The following ADRA1B variants were observed in gnomAD, a reference collection of about 807,000 sequenced individuals.
ADRA1B encodes alpha-1B adrenergic receptor.
Under a neutral mutation model 17.9 loss-of-function variants are expected in ADRA1B, and 17 were observed. The observed-to-expected ratio is 0.95, with a 90% CI of 0.65 to 1.42. The LOEUF (loss-of-function observed/expected upper bound fraction) is 1.42. Ranked by LOEUF, ADRA1B falls within the 40% of genes most tolerant of loss-of-function variation. The pLI is 0.00. For synonymous variants in ADRA1B, 366 were observed against 327.6 expected (o/e 1.12, Z -1.27); for missense variants, 681 against 722.1 (o/e 0.94, Z 0.65).
intron 1 of ADRA1B, among the ~76,000 whole-genome samples, chr5:159,906,643 C>A (rs764544124): frequency 6.6e-6 from 1 of 152,188 alleles, no homozygotes; most frequent in Non-Finnish European, 1.5e-5. Context: ...TTTGCCTACT[C>A]AACACTCTAC....
At chr5:159,979,919 G>A in the ADRA1B span, among the ~76,000 whole-genome samples, 1 of 151,742 alleles carries the variant, frequency 6.6e-6, no homozygotes, top group East Asian at 1.9e-4. Flanking sequence ...GAGAGCAGAG[G>A]AGACAAAGCA....
intron 1 of ADRA1B, chr5:159,868,151 C>T (rs1753686305): frequency 6.6e-6 from 1 of 152,100 alleles, no homozygotes; most frequent in Non-Finnish European, 1.5e-5. Context: ...AGGGTCATTG[C>T]AAAGAATAAA....
At chr5:159,953,047 T>C (rs1755476177) in intron 1 of ADRA1B, among the ~76,000 whole-genome samples, 1 of 152,176 alleles carries the variant, frequency 6.6e-6, no homozygotes, top group Non-Finnish European at 1.5e-5. Context: ...ATCACTTTTA[T>C]AGGAACGTTC....
chr5:159,987,015 G>T, the ADRA1B span, among the ~76,000 whole-genome samples: 1 of 152,188 alleles, frequency 6.6e-6, no homozygotes, highest in Non-Finnish European at 1.5e-5. Flanking sequence ...ACCCAGGATG[G>T]CTCCAGAGAA....
At chr5:159,971,785 T>A (rs182368738) in intron 1 of ADRA1B, 94 bp from the exon 2 acceptor site, 3 of 1,256,444 alleles carry the variant, frequency 2.4e-6, no homozygotes, top group Non-Finnish European at 3.1e-6. Context: ...ACGCTGCAGG[T>A]TGACAATGTT....
At chr5:159,987,668 A>G in the ADRA1B span, among the ~76,000 whole-genome samples, 3 of 152,202 alleles carry the variant, frequency 2.0e-5, no homozygotes, top group South Asian at 2.1e-4. Context: ...CAGATATTCT[A>G]GAATTCTAGG....
chr5:159,883,322 C>G (rs1040120802), intron 1 of ADRA1B, among the ~76,000 whole-genome samples: 1 of 152,128 alleles, frequency 6.6e-6, no homozygotes, highest in African/African-American at 2.4e-5. Context: ...ATTTTTTTAC[C>G]ATGTTCCCTC....
chr5:159,980,690 G>A, the ADRA1B span, among the ~76,000 whole-genome samples: 1 of 152,042 alleles, frequency 6.6e-6, no homozygotes, highest in African/African-American at 2.4e-5. Flanking sequence ...AAATAAATGA[G>A]CCAATGCATG....
chr5:159,945,874 A>G lies in ADRA1B; in HGVS notation c.950-26005A>G, dbSNP rs370222147. 1.8e-4 allele frequency among the ~76,000 whole-genome samples: 28 copies of G among 151,992 alleles called. 1 individual carries two copies. In the East Asian group the frequency reaches 3.9e-3, roughly 21 times the overall value. On this transcript the variant is annotated intron_variant, in intron 1 of 1. Coordinates refer to ENST00000306675, the MANE Select transcript of ADRA1B (RefSeq NM_000679.4). ...GCCATTCTCCTGCCTCAGCCTCCCA[A>G]GTAGCTGGGACTACAGGCGCCCGCC... is the stretch of plus-strand genomic sequence containing the variant.
intron 1 of ADRA1B, among the ~76,000 whole-genome samples, chr5:159,945,855 C>T (rs1391373708): frequency 6.6e-6 from 1 of 151,684 alleles, no homozygotes; most frequent in Non-Finnish European, 1.5e-5. Context: ...TGACGCCATT[C>T]TCCTGCCTCA....
At position 159,875,882 on chromosome 5, in the gene ADRA1B, G is replaced by GTT. The variant is rs199512533; in HGVS notation, c.-256+10676_-256+10677insTT. ...TTGGTATAGATGGAACAGCATACGT[G>GTT]ACTAAAAGTTGCTTAAACAACAAGG... On this transcript the variant is annotated intron_variant, in intron 1 of 2. Transcript: ENST00000641205. Among the ~76,000 whole-genome samples, 613 of 137,660 alleles carry GTT rather than the reference G, an allele frequency of 4.5e-3. 8 individuals are homozygous for GTT. Among genetic ancestry groups the GTT allele is most frequent in the African/African-American group, 0.017 (597 of 34,382 alleles). 90.3% of individuals were successfully genotyped at this position (137,660 alleles called of 152,430 possible). A position where few individuals can be genotyped will look rare whatever the true frequency, so the allele number is the denominator to read the frequency against.
At chr5:159,869,489 G>T (rs1457209627) in intron 1 of ADRA1B, 1 of 152,218 alleles carries the variant, frequency 6.6e-6, no homozygotes, top group Non-Finnish European at 1.5e-5. Flanking sequence ...TATTAGAGTT[G>T]CTCACTGGAA....
At chr5:159,895,097 G>A (rs1754027747) in intron 1 of ADRA1B, among the ~76,000 whole-genome samples, 1 of 152,190 alleles carries the variant, frequency 6.6e-6, no homozygotes, top group South Asian at 2.1e-4. Flanking sequence ...AATTTGTTCA[G>A]CACTTGCCTC....
rs1295426039 is a variant in ADRA1B, at chr5:159,972,450, G to C, written c.1521G>C (p.Pro507=). 1 of 1,490,040 alleles carries C rather than the reference G, an allele frequency of 6.7e-7. No individual in the cohort carries two copies. The highest frequency in any genetic ancestry group is 1.2e-5 in the South Asian group (1 of 80,068). The allele number at this position is 1,490,040 out of a possible 1,614,324, so 92.3% of individuals were successfully genotyped here. ...EAAADVANGQ[P]GFKSNMPLAP... The stretch of plus-strand genomic sequence containing the variant: ...CGGCCGACGTGGCCAACGGGCAGCC[G>C]GGCTTCAAAAGCAACATGCCCCTGG... Residue 507 remains proline, a synonymous_variant, in exon 2 of 2, where the codon CCG becomes CCC. Coordinates refer to ENST00000306675, the MANE Select transcript of ADRA1B (RefSeq NM_000679.4).
chr5:159,894,823 A>G (rs1304014896), intron 1 of ADRA1B, among the ~76,000 whole-genome samples: 3 of 152,140 alleles, frequency 2.0e-5, no homozygotes, highest in Non-Finnish European at 2.9e-5. Flanking sequence ...CTGTCATTTT[A>G]CAGACAAGGA....
intron 1 of ADRA1B, among the ~76,000 whole-genome samples, chr5:159,956,086 A>C (rs913760164): frequency 1.3e-5 from 2 of 152,120 alleles, no homozygotes; most frequent in African/African-American, 4.8e-5. Context: ...TCTACAAAAA[A>C]GTTTTCAATT....
chr5:159,892,803 A>G (rs745314127), intron 1 of ADRA1B, among the ~76,000 whole-genome samples: 11 of 152,226 alleles, frequency 7.2e-5, no homozygotes, highest in Non-Finnish European at 5.9e-5. Flanking sequence ...ATATGCATGC[A>G]TGTATGTTTA....
chr5:159,959,124 T>C (rs1310122704), intron 1 of ADRA1B, among the ~76,000 whole-genome samples: 1 of 152,030 alleles, frequency 6.6e-6, no homozygotes, highest in Non-Finnish European at 1.5e-5. Context: ...TCCCAAAGAG[T>C]TAAGAGGCAC....
chr5:159,880,513 G>T (rs1753851445), intron 1 of ADRA1B, among the ~76,000 whole-genome samples: 1 of 152,166 alleles, frequency 6.6e-6, no homozygotes, highest in Non-Finnish European at 1.5e-5. Context: ...GAATCTTAAA[G>T]GTCATCCCAT....
Sources: gnomAD v4.1 joint callset for allele counts (sites outside exome capture counted in the v4.1 genomes callset) on GRCh38, gnomAD v4.1.1 for gene constraint, MANE v1.5 for transcripts, NCBI Gene and HGNC (gene_info 2026-07-23, HGNC 2026-07-21) for gene names.